Variants in CFAP52 observed in about 807,000 individuals in gnomAD.
CFAP52 encodes the protein cilia and flagella associated protein 52, also known as cilia- and flagella-associated protein 52.
In CFAP52, 57 loss-of-function variants were observed where a neutral mutation model predicts 70.5. The observed-to-expected ratio is 0.81, with a 90% CI of 0.65 to 1.01. The LOEUF (loss-of-function observed/expected upper bound fraction) is 1.01. Ranked by LOEUF, CFAP52 falls within the 50% of genes least tolerant of loss-of-function variation. The probability of loss-of-function intolerance (pLI) is 0.00; values close to 1 mark genes in which losing one functional copy is unlikely to be tolerated. For missense variants in CFAP52, 785 were observed against 788.5 expected (o/e 1.00, Z 0.05); for synonymous variants, 267 against 292.5 (o/e 0.91, Z 0.89).
rs364423 is a variant in CFAP52, at chr17:9,626,786, G to C, written c.1026-1886G>C. Among the ~76,000 whole-genome samples, 306 of 152,234 alleles carry C rather than the reference G, an allele frequency of 2.0e-3. 1 individual carries two copies. Among genetic ancestry groups the C allele is most frequent in the African/African-American group, 7.2e-3 (301 of 41,534 alleles). ...AGCACTTACTCTTTCTAACTAAGTAGTCCATCATTATAACTGTAACACTAA... is the reference window on the plus strand; with the variant it reads ...AGCACTTACTCTTTCTAACTAAGTACTCCATCATTATAACTGTAACACTAA... On this transcript the variant is annotated intron_variant, in intron 8 of 13. Coordinates refer to ENST00000352665, the MANE Select transcript of CFAP52 (RefSeq NM_145054.5).
chr17:9,610,936 A>G (rs187335384), intron 7 of CFAP52, among the ~76,000 whole-genome samples: 2 of 152,320 alleles, frequency 1.3e-5, no homozygotes, highest in East Asian at 3.9e-4. Flanking sequence ...GGCTAGCAAC[A>G]GATATAAAGG....
chr17:9,594,146 C>T, intron 3 of CFAP52, 47 bp from the exon 4 acceptor site: 1 of 1,526,252 alleles, frequency 6.6e-7, no homozygotes, highest in Non-Finnish European at 8.8e-7. Flanking sequence ...TTTTAAAAGC[C>T]TGTTTTCTCT....
At chr17:9,616,706 G>A (rs1909942379) in intron 8 of CFAP52, among the ~76,000 whole-genome samples, 1 of 148,690 alleles carries the variant, frequency 6.7e-6, no homozygotes. Flanking sequence ...CCCCCGGGCA[G>A]CCTAACTGGG....
intron 8 of CFAP52, among the ~76,000 whole-genome samples, chr17:9,622,488 C>T (rs1245643925): frequency 2.0e-5 from 3 of 151,752 alleles, no homozygotes; most frequent in Admixed American, 6.6e-5. Context: ...CTACCATGAG[C>T]TACAATCACA....
At chr17:9,578,373 A>C (rs1908060884) in intron 1 of CFAP52, among the ~76,000 whole-genome samples, 1 of 152,168 alleles carries the variant, frequency 6.6e-6, no homozygotes, top group Non-Finnish European at 1.5e-5. Context: ...TTGCCAGGAG[A>C]ACATTACTGA....
In CFAP52 at chr17:9,631,048, G is replaced by GAA. The variant is rs1426600738; in HGVS notation, c.1175-1839_1175-1838insAA. On this transcript the variant is annotated intron_variant, in intron 9 of 13. Transcript: ENST00000352665. Reference sequence around the variant, plus strand: ...AAAGAAAGAGAGAGAGAGAGAGAGAGAGAGAGAAAGAAAGAAAGAAAGAAA... The same window carrying GAA: ...AAAGAAAGAGAGAGAGAGAGAGAGAGAAAGAGAGAAAGAAAGAAAGAAAGAAA... Among the ~76,000 whole-genome samples, 167 of 19,812 alleles carry GAA rather than the reference G, an allele frequency of 8.4e-3. 6 individuals carry two copies. The highest frequency in any genetic ancestry group is 9.8e-3 in the Admixed American group (18 of 1,828). 13.0% of individuals were successfully genotyped at this position (19,812 alleles called of 152,430 possible). A position where few individuals can be genotyped will look rare whatever the true frequency, so the allele number is the denominator to read the frequency against.
chr17:9,629,119 G>A (rs1003594075), intron 9 of CFAP52, among the ~76,000 whole-genome samples: 6 of 152,118 alleles, frequency 3.9e-5, no homozygotes, highest in African/African-American at 9.7e-5. Context: ...AAAAGGACAG[G>A]TCCCCCATGT....
At position 9,635,416 on chromosome 17, in the gene CFAP52, G is replaced by A. The variant is rs1387637893; in HGVS notation, c.1332G>A (p.Trp444Ter). The change falls in exon 11 of 14, where the codon TGG becomes TGA. Residue 444 changes from tryptophan to a stop codon, truncating the protein, a stop_gained. Coordinates refer to ENST00000352665, the MANE Select transcript of CFAP52 (RefSeq NM_145054.5). LOFTEE classifies it high-confidence loss of function. ...SGGGEGEVRV[W>*]QIGCQTQKLE... ...TCTGTGGCTTTCAGGTGAGGGTATG[G>A]CAGATAGGCTGTCAGACCCAGAAGC... is the stretch of plus-strand genomic sequence containing the variant. 2.5e-6 allele frequency: 4 copies of A among 1,614,056 alleles called. No homozygotes were observed. The highest frequency in any genetic ancestry group is 2.7e-5 in the African/African-American group (2 of 75,030).
rs111306169 is a variant in CFAP52, at chr17:9,627,742, C to A, written c.1026-930C>A. Among the ~76,000 whole-genome samples the A allele has an allele frequency of 1.6e-3, 249 of 151,988 alleles. 2 individuals are homozygous for A. The highest frequency in any genetic ancestry group is 5.6e-3 in the African/African-American group (233 of 41,454). On this transcript the variant is annotated intron_variant, in intron 8 of 13. Coordinates refer to ENST00000352665, the MANE Select transcript of CFAP52 (RefSeq NM_145054.5). ...TTCATTTTATTTTTAGAGGCAAATT[C>A]TCTTGTCTCACTCTGTCATCCAGGC...
At chr17:9,615,126 A>C (rs1487175407) in intron 8 of CFAP52, among the ~76,000 whole-genome samples, 2 of 152,232 alleles carry the variant, frequency 1.3e-5, no homozygotes, top group Non-Finnish European at 1.5e-5. Context: ...AAGAACATAG[A>C]ATAAATGTAT....
intron 11 of CFAP52, among the ~76,000 whole-genome samples, chr17:9,636,976 C>T (rs1276590029): frequency 1.2e-4 from 18 of 152,054 alleles, no homozygotes; most frequent in African/African-American, 4.4e-4. Context: ...ACCCGGGAGG[C>T]GGAGGTTGCA....
At chr17:9,630,889 G>A (rs922098074) in intron 9 of CFAP52, among the ~76,000 whole-genome samples, 2 of 149,978 alleles carry the variant, frequency 1.3e-5, no homozygotes, top group African/African-American at 2.5e-5. Flanking sequence ...GGGAGGCTGA[G>A]ACAGGAGAGT....
intron 12 of CFAP52, among the ~76,000 whole-genome samples, chr17:9,640,816 G>T (rs1911018467): frequency 6.6e-6 from 1 of 151,938 alleles, no homozygotes; most frequent in Non-Finnish European, 1.5e-5. Context: ...GCTAATTTTT[G>T]TATTTTTAGT....
rs764725291 is a variant in CFAP52, at chr17:9,608,192, G to A, written c.827G>A (p.Cys276Tyr). The change falls in exon 7 of 14, where the codon TGT (cysteine) becomes TAT (tyrosine). Residue 276 changes from cysteine to tyrosine, a missense_variant. Transcript: ENST00000352665. ...TCTGGAGCCGGACTGCTGGTCTTCTGTAAAAGCCCTGGCTACAAACCCATC... is the reference window on the plus strand; with the variant it reads ...TCTGGAGCCGGACTGCTGGTCTTCTATAAAAGCCCTGGCTACAAACCCATC... ...VGSGAGLLVF[C>Y]KSPGYKPIKK... The A allele has an allele frequency of 6.8e-6, 11 of 1,611,416 alleles. No homozygotes were observed. The East Asian group carries it at 2.0e-4, about 29-fold the overall frequency.
Position 9,585,899 on chromosome 17 carries a change from A to G in CFAP52, c.197A>G (p.Asn66Ser). ...AACTTCCTACAGGGTCATGGCAACA[A>G]CGTCTCCTGCTTGGCCATCTCCAGG... ...EQNFLQGHGN[N>S]VSCLAISRSG... Residue 66 changes from asparagine to serine, a missense_variant, in exon 2 of 14, where the codon AAC becomes AGC. Asn to Ser is a conservative substitution (Grantham distance 46). Coordinates refer to ENST00000352665, the MANE Select transcript of CFAP52 (RefSeq NM_145054.5). 2 of 1,613,678 alleles carry G rather than the reference A, an allele frequency of 1.2e-6. No individual in the cohort carries two copies. The highest frequency in any genetic ancestry group is 1.7e-6 in the Non-Finnish European group (2 of 1,179,916).
At chr17:9,577,459 G>A (rs1567617092) in intron 1 of CFAP52, among the ~76,000 whole-genome samples, 1 of 152,172 alleles carries the variant, frequency 6.6e-6, no homozygotes, top group Non-Finnish European at 1.5e-5. Context: ...GGGTTTTATT[G>A]TTCGTTTTGA....
chr17:9,591,598 C>T (rs979854451), intron 3 of CFAP52, among the ~76,000 whole-genome samples: 15 of 152,096 alleles, frequency 9.9e-5, no homozygotes, highest in Non-Finnish European at 1.9e-4. Flanking sequence ...TGTGTTTGTG[C>T]GGGGTGCAGT....
chr17:9,578,055 G>A (rs1908044273), intron 1 of CFAP52, among the ~76,000 whole-genome samples: 1 of 152,134 alleles, frequency 6.6e-6, no homozygotes, highest in Non-Finnish European at 1.5e-5. Context: ...TCACGCCACT[G>A]CACTCCAGCC....
intron 8 of CFAP52, among the ~76,000 whole-genome samples, chr17:9,615,755 T>A (rs1330013611): frequency 2.0e-5 from 3 of 150,822 alleles, no homozygotes; most frequent in Admixed American, 1.3e-4. Context: ...GATGCAGGCA[T>A]GTACCACCAT....
Sources: gnomAD v4.1 joint callset for allele counts (sites outside exome capture counted in the v4.1 genomes callset) on GRCh38, gnomAD v4.1.1 for gene constraint, MANE v1.5 for transcripts, NCBI Gene and HGNC (gene_info 2026-07-23, HGNC 2026-07-21) for gene names.